Variants in IL1F10 observed in about 807,000 individuals in gnomAD.
The protein encoded by IL1F10 is interleukin 1 family member 10.
In IL1F10, 13 loss-of-function variants were observed where a neutral mutation model predicts 13.1. The ratio of observed to expected loss-of-function variants is 0.99; its 90% CI spans 0.64 to 1.57. IL1F10 has a LOEUF of 1.57. Among genes scored for constraint, IL1F10 ranks in the 40% most tolerant of loss-of-function variants. The pLI is 0.00. For missense variants in IL1F10, 191 were observed against 184.1 expected (o/e 1.04, Z -0.22); for synonymous variants, 78 against 68.2 (o/e 1.14, Z -0.71).
intron 1 of IL1F10, among the ~76,000 whole-genome samples, chr2:113,068,341 G>A (rs1200019750): frequency 7.1e-6 from 1 of 140,704 alleles, no homozygotes; most frequent in Non-Finnish European, 1.5e-5. Context: ...TTTTGTTTTC[G>A]TTTTTTTTTT....
At chr2:113,074,586 G>A (rs1390105913) in intron 3 of IL1F10, 137 bp from the exon 4 acceptor site, 1 of 1,211,428 alleles carries the variant, frequency 8.3e-7, no homozygotes, top group Non-Finnish European at 1.2e-6. Flanking sequence ...AGAAGTCCTG[G>A]CTCACCGTCC....
rs145244749 is a variant in IL1F10 at position 113,075,200 on chromosome 2, T to C, written c.295T>C (p.Phe99Leu). 1.3e-5 allele frequency: 21 copies of C among 1,613,624 alleles called. No homozygotes were observed. The African/African-American group carries it at 2.8e-4, about 22-fold the overall frequency. ...CAAAGGTGGTGAAGAGGCCACACGC[T>C]TCACCTTCTTCCAGAGCAGCTCAGG... ...LYKGGEEATRFTFFQSSSGSA... is the reference protein window; with the variant it reads ...LYKGGEEATRLTFFQSSSGSA... Residue 99 changes from phenylalanine to leucine, a missense_variant, in exon 5 of 5, where the codon TTC becomes CTC. Phe to Leu is a conservative substitution (Grantham distance 22, BLOSUM62 0). Coordinates refer to ENST00000341010, the MANE Select transcript of IL1F10 (RefSeq NM_173161.3).
chr2:113,074,985 C>T (rs1438944987), intron 4 of IL1F10, 135 bp downstream of exon 4: 1 of 1,258,682 alleles, frequency 7.9e-7, no homozygotes, highest in Non-Finnish European at 1.1e-6. Context: ...CCACCATCTC[C>T]CTCTGCACCT....
intron 1 of IL1F10, among the ~76,000 whole-genome samples, chr2:113,069,210 G>A (rs1203296269): frequency 1.3e-5 from 2 of 152,108 alleles, no homozygotes. Context: ...AGTGTCCATG[G>A]AGAAGTGAGA....
intron 1 of IL1F10, among the ~76,000 whole-genome samples, chr2:113,069,384 A>T (rs1388953184): frequency 1.3e-5 from 2 of 152,252 alleles, no homozygotes; most frequent in Non-Finnish European, 1.5e-5. Flanking sequence ...GAATACAAGT[A>T]CAGTAGTAAT....
Position 113,074,761 on chromosome 2 carries a change from A to G in IL1F10, c.157A>G (p.Thr53Ala). 9 of 1,613,692 alleles carry G rather than the reference A, an allele frequency of 5.6e-6. No homozygotes were observed. The highest frequency in any genetic ancestry group is 6.8e-6 in the Non-Finnish European group (8 of 1,179,726). ...ACTTCCTAACAGAGGCTTGGCCCGC[A>G]CCAAGGTCCCCATTTTCCTGGGGAT... is the stretch of plus-strand genomic sequence containing the variant. ...CILPNRGLAR[T>A]KVPIFLGIQG... is the part of the protein sequence containing the mutation. Residue 53 changes from threonine (T) to alanine (A), a missense_variant, in exon 4 of 5, where the codon ACC becomes GCC. By Grantham distance (58) the Thr-to-Ala change is moderately conservative. Coordinates refer to ENST00000341010, the MANE Select transcript of IL1F10 (RefSeq NM_173161.3).
Position 113,073,922 on chromosome 2 carries a change from A to G in IL1F10, c.33-407A>G, listed in dbSNP as rs1019335674. The stretch of plus-strand genomic sequence containing the variant: ...ACTCAATCTCTGTACTAAAGAGAAT[A>G]AACATTTATAAACAATTAGGGCAGG... On this transcript the variant is annotated intron_variant, in intron 2 of 4. Coordinates refer to ENST00000341010, the MANE Select transcript of IL1F10 (RefSeq NM_173161.3). Among the ~76,000 whole-genome samples, 3 of 152,204 alleles carry G rather than the reference A, an allele frequency of 2.0e-5. No individual in the cohort carries two copies. In the East Asian group the frequency reaches 5.8e-4, roughly 29 times the overall value.
chr2:113,072,943 G>T (rs1291200260), intron 2 of IL1F10, among the ~76,000 whole-genome samples, 173 bp downstream of exon 2: 5 of 152,216 alleles, frequency 3.3e-5, no homozygotes, highest in Non-Finnish European at 5.9e-5. Context: ...ACGTCTGCAA[G>T]ATGCCAGCCA....
At chr2:113,072,876 G>A in intron 2 of IL1F10, 106 bp downstream of exon 2, 1 of 943,840 alleles carries the variant, frequency 1.1e-6, no homozygotes, top group Non-Finnish European at 1.7e-6. Flanking sequence ...CTTAGAAATT[G>A]CAAGTGCCCC....
chr2:113,069,539 A>T (rs1476331478), intron 1 of IL1F10, among the ~76,000 whole-genome samples: 1 of 152,256 alleles, frequency 6.6e-6, no homozygotes, highest in Non-Finnish European at 1.5e-5. Context: ...TATGACAGTG[A>T]GAGAAATGAA....
chr2:113,074,923 T>C, intron 4 of IL1F10, 73 bp downstream of exon 4: 5 of 1,550,370 alleles, frequency 3.2e-6, no homozygotes, highest in Non-Finnish European at 4.4e-6. Context: ...GGCATCTTTG[T>C]GCCTATCTGT....
At chr2:113,074,499 A>T in intron 3 of IL1F10, 85 bp downstream of exon 3, 1 of 1,192,102 alleles carries the variant, frequency 8.4e-7, no homozygotes. Context: ...GCAGAGGGTC[A>T]GCAGCTGCCC....
At chr2:113,068,625 C>T (rs1482578547) in intron 1 of IL1F10, among the ~76,000 whole-genome samples, 1 of 152,176 alleles carries the variant, frequency 6.6e-6, no homozygotes, top group Non-Finnish European at 1.5e-5. Context: ...TAGGACTCAG[C>T]CTTTCTATTC....
chr2:113,070,299 A>C (rs1159552603), intron 1 of IL1F10, among the ~76,000 whole-genome samples: 1 of 152,124 alleles, frequency 6.6e-6, no homozygotes, highest in East Asian at 1.9e-4. Flanking sequence ...ACTTCATCAC[A>C]ATCTATCAGA....
In IL1F10 at chr2:113,074,877, G is replaced by A. The variant is rs571121998; in HGVS notation, c.246+27G>A. 3.1e-6 allele frequency: 5 copies of A among 1,607,430 alleles called. No individual in the cohort carries two copies. The East Asian group carries it at 6.7e-5, about 22-fold the overall frequency. ...TGAGAGGCCTCTCCCCATTCTAGGG[G>A]ACACTGCAGACCTGGCCTGACCCCT... is the stretch of plus-strand genomic sequence containing the variant. On this transcript the variant is annotated intron_variant, in intron 4 of 4. Transcript: ENST00000341010.
intron 1 of IL1F10, among the ~76,000 whole-genome samples, chr2:113,070,157 G>A (rs1201512938): frequency 3.3e-5 from 5 of 152,168 alleles, no homozygotes; most frequent in African/African-American, 7.2e-5. Flanking sequence ...AAAGTCATTT[G>A]AGGAAAATAG....
intron 1 of IL1F10, among the ~76,000 whole-genome samples, chr2:113,070,896 C>T (rs953595081): frequency 2.0e-5 from 3 of 152,194 alleles, no homozygotes; most frequent in African/African-American, 4.8e-5. Flanking sequence ...GGAATCACTC[C>T]AAGTCCTACT....
chr2:113,071,192 T>G (rs1042607622), intron 1 of IL1F10, among the ~76,000 whole-genome samples: 2 of 152,236 alleles, frequency 1.3e-5, no homozygotes, highest in Non-Finnish European at 2.9e-5. Context: ...GTACACTTGA[T>G]TTATAATCTG....
intron 1 of IL1F10, among the ~76,000 whole-genome samples, chr2:113,069,256 C>T (rs1685793176): frequency 6.6e-6 from 1 of 151,914 alleles, no homozygotes; most frequent in South Asian, 2.1e-4. Context: ...CAGACGGTGA[C>T]AAAACAGTCA....
Sources: allele counts gnomAD v4.1 joint callset (sites outside exome capture counted in the v4.1 genomes callset), GRCh38; gene constraint gnomAD v4.1.1; transcripts MANE v1.5; gene names NCBI Gene and HGNC (gene_info 2026-07-23, HGNC 2026-07-21).